The following MLIP variants were observed in gnomAD, a reference collection of about 807,000 sequenced individuals.
MLIP encodes muscular LMNA interacting protein, also known as muscular LMNA-interacting protein.
A neutral mutation model predicts 84.8 loss-of-function variants in MLIP; 79 were observed. The observed-to-expected ratio is 0.93, with a 90% CI of 0.78 to 1.12. The LOEUF is 1.12. Ranked by LOEUF, MLIP falls within the 50% of genes most tolerant of loss-of-function variation. The pLI, the probability that MLIP is intolerant of heterozygous loss-of-function variation, is 0.00. For missense variants in MLIP, 1,257 were observed against 1,160.6 expected (o/e 1.08, Z -1.21); for synonymous variants, 504 against 463.0 (o/e 1.09, Z -1.14).
intron 4 of MLIP, among the ~76,000 whole-genome samples, chr6:54,144,342 C>T (rs766935064): frequency 3.9e-5 from 6 of 152,162 alleles, no homozygotes; most frequent in Non-Finnish European, 7.4e-5. Flanking sequence ...TAGTGAGGCC[C>T]TTCACCATGG....
chr6:54,100,293 G>A (rs748969743), intron 1 of MLIP, among the ~76,000 whole-genome samples: 1 of 59,958 alleles, frequency 1.7e-5, no homozygotes, highest in African/African-American at 5.9e-5. Context: ...AGCTTGATAA[G>A]TACATAAAGT....
At position 54,205,701 on chromosome 6, in the gene MLIP, G is replaced by A. The variant is rs568405203; in HGVS notation, c.2718+3468G>A. ...AAACCAAATGCATAATCAAGTCATC[G>A]AAATTTACTAGCCAACAACTTTTAC... On this transcript the variant is annotated intron_variant, in intron 11 of 13. Coordinates refer to ENST00000502396, the MANE Select transcript of MLIP (RefSeq NM_001281747.2). 9.2e-5 allele frequency among the ~76,000 whole-genome samples: 14 copies of A among 152,224 alleles called. No individual in the cohort carries two copies. In the South Asian group the frequency reaches 1.0e-3, roughly 11 times the overall value.
At chr6:54,141,132 C>T (rs1435973862) in intron 4 of MLIP, among the ~76,000 whole-genome samples, 1 of 152,084 alleles carries the variant, frequency 6.6e-6, no homozygotes, top group Non-Finnish European at 1.5e-5. Flanking sequence ...GAGCTAAATT[C>T]AGATATAAAG....
intron 9 of MLIP, among the ~76,000 whole-genome samples, chr6:54,180,442 C>T (rs886685480): frequency 1.3e-5 from 2 of 152,166 alleles, no homozygotes; most frequent in African/African-American, 4.8e-5. Flanking sequence ...TCTTTCTCTA[C>T]CTCATCTTCA....
intron 5 of MLIP, 99 bp downstream of exon 5, chr6:54,149,226 T>G: frequency 9.4e-7 from 1 of 1,061,614 alleles, no homozygotes; most frequent in South Asian, 1.4e-5. Context: ...TTTAAAGTTC[T>G]GCCTTTACTA....
chr6:54,180,482 G>A (rs1337345671), intron 9 of MLIP, among the ~76,000 whole-genome samples: 1 of 152,002 alleles, frequency 6.6e-6, no homozygotes. Context: ...TTGCCCTTTT[G>A]AGGCTATTTT....
chr6:54,094,677 T>A (rs1209670510), intron 1 of MLIP, among the ~76,000 whole-genome samples: 1 of 152,154 alleles, frequency 6.6e-6, no homozygotes, highest in Non-Finnish European at 1.5e-5. Context: ...TAAGGTTTCC[T>A]AAATTTTGGA....
At chr6:54,245,468 A>C (rs1011075618) in intron 12 of MLIP, among the ~76,000 whole-genome samples, 5 of 152,164 alleles carry the variant, frequency 3.3e-5, no homozygotes, top group Non-Finnish European at 7.4e-5. Flanking sequence ...GAGAGAGTCG[A>C]GTAACTCAGG....
At chr6:54,262,374 A>G (rs1369605948) in intron 13 of MLIP, among the ~76,000 whole-genome samples, 3 of 152,060 alleles carry the variant, frequency 2.0e-5, no homozygotes, top group Admixed American at 6.6e-5. Context: ...GATAGACTCC[A>G]TTTTATACAT....
upstream of MLIP, among the ~76,000 whole-genome samples, chr6:54,109,026 T>C (rs1401259067): frequency 7.0e-6 from 1 of 142,384 alleles, no homozygotes; most frequent in Non-Finnish European, 1.5e-5. Context: ...TTTTGATTTA[T>C]ATATATAATT....
chr6:54,055,036 C>T (rs367920305), intron 1 of MLIP, among the ~76,000 whole-genome samples: 2 of 152,004 alleles, frequency 1.3e-5, no homozygotes, highest in East Asian at 1.9e-4. Flanking sequence ...TACAGGCGCC[C>T]GCCACCACGC....
intron 10 of MLIP, 152 bp from the exon 11 acceptor site, chr6:54,201,953 G>A (rs2150714107): frequency 2.1e-6 from 1 of 469,586 alleles, no homozygotes; most frequent in Middle Eastern, 6.5e-4. Flanking sequence ...TTTGACTTCA[G>A]GCTGTTTTTA....
intron 1 of MLIP, among the ~76,000 whole-genome samples, chr6:54,037,496 T>A (rs1764511667): frequency 6.6e-6 from 1 of 151,838 alleles, no homozygotes; most frequent in Non-Finnish European, 1.5e-5. Context: ...GGAGAGAGAA[T>A]GAGATCTAAA....
At chr6:54,109,909 T>TTTTCTTTCTTTCTTTCTTTC (rs796941191), upstream of MLIP, among the ~76,000 whole-genome samples, 1 of 112,526 alleles carries the variant, frequency 8.9e-6, no homozygotes, top group African/African-American at 3.2e-5. Flanking sequence ...CTTTCTTTCT[T>TTTTCTTTCTTTCTTTCTTTC]TTTCTTTCTT....
chr6:54,055,317 A>G (rs1440095232), intron 1 of MLIP, among the ~76,000 whole-genome samples: 2 of 152,234 alleles, frequency 1.3e-5, no homozygotes, highest in African/African-American at 4.8e-5. Flanking sequence ...ATGTGTATAT[A>G]TATTGAAAAT....
In MLIP at chr6:54,118,796, T is replaced by TA. The variant is rs747798810; in HGVS notation, c.97-2644dup. ...TAAAGGGTTAGTAACCAAAAAATAT[T>TA]AAAAAAACCTCAAACAACTCAATAG... On this transcript the variant is annotated intron_variant, in intron 1 of 13. Transcript: ENST00000502396. Among the ~76,000 whole-genome samples, 201 of 152,020 alleles carry TA rather than the reference T, an allele frequency of 1.3e-3. 3 individuals carry two copies. The highest frequency in any genetic ancestry group is 1.6e-3 in the Non-Finnish European group (111 of 67,946).
intron 1 of MLIP, among the ~76,000 whole-genome samples, chr6:54,026,156 T>C (rs1194703416): frequency 2.0e-5 from 3 of 152,170 alleles, no homozygotes; most frequent in Non-Finnish European, 4.4e-5. Context: ...AATTAATTTT[T>C]CCCTTTCTTA....
At chr6:54,235,808 T>G (rs1284593048) in intron 12 of MLIP, among the ~76,000 whole-genome samples, 1 of 152,118 alleles carries the variant, frequency 6.6e-6, no homozygotes, top group Non-Finnish European at 1.5e-5. Flanking sequence ...GTTGGGAACA[T>G]AGGTAGGGTG....
At chr6:54,203,040 A>T (rs1778798633) in intron 11 of MLIP, among the ~76,000 whole-genome samples, 1 of 152,190 alleles carries the variant, frequency 6.6e-6, no homozygotes, top group Non-Finnish European at 1.5e-5. Context: ...TAGTAACAGA[A>T]TCGGGGATCA....
Sources: allele counts gnomAD v4.1 joint callset (sites outside exome capture counted in the v4.1 genomes callset), GRCh38; gene constraint gnomAD v4.1.1; transcripts MANE v1.5; gene names NCBI Gene and HGNC (gene_info 2026-07-23, HGNC 2026-07-21).